The following DCAF6 variants were observed in gnomAD, a reference collection of about 807,000 sequenced individuals.
The protein encoded by DCAF6 is DDB1- and CUL4-associated factor 6.
A neutral mutation model predicts 125.1 loss-of-function variants in DCAF6; 54 were observed. The ratio of observed to expected loss-of-function variants is 0.43; its 90% CI spans 0.35 to 0.54. DCAF6 has a LOEUF of 0.54. DCAF6 is among the 20% of genes least tolerant of loss of function. DCAF6 has a pLI of 0.01. For synonymous variants in DCAF6, 371 were observed against 390.4 expected (o/e 0.95, Z 0.58); for missense variants, 934 against 1,161.7 (o/e 0.80, Z 2.85).
chr1:168,023,336 C>A (rs1035711744), intron 12 of DCAF6: 18 of 476,972 alleles, frequency 3.8e-5, no homozygotes, highest in Non-Finnish European at 6.4e-5. Flanking sequence ...TTTTTAAATT[C>A]TAGGTATCTG....
chr1:168,068,562 T>C (rs1034199778), intron 21 of DCAF6, 99 bp downstream of exon 21: 1 of 567,178 alleles, frequency 1.8e-6, no homozygotes, highest in East Asian at 3.8e-5. Flanking sequence ...TTTTTTAATA[T>C]CACAAAATGA....
At chr1:167,881,588 T>TC in the DCAF6 span, among the ~76,000 whole-genome samples, 1 of 152,096 alleles carries the variant, frequency 6.6e-6, no homozygotes, top group African/African-American at 2.4e-5. Context: ...AGCTTTTGAT[T>TC]CCCCCTAGCA....
At chr1:167,928,447 G>A in the DCAF6 span, among the ~76,000 whole-genome samples, 1 of 151,584 alleles carries the variant, frequency 6.6e-6, no homozygotes, top group African/African-American at 2.4e-5. Flanking sequence ...TAAATAATAT[G>A]TCAAATAAAG....
At chr1:167,949,799 T>G (rs1673641317) in intron 1 of DCAF6, among the ~76,000 whole-genome samples, 1 of 152,226 alleles carries the variant, frequency 6.6e-6, no homozygotes, top group Non-Finnish European at 1.5e-5. Flanking sequence ...TAATTTTAAT[T>G]TGAGGAGGCT....
intron 11 of DCAF6, chr1:168,019,551 T>C (rs74120601): frequency 0.012 from 5,507 of 456,258 alleles, 255 homozygotes; most frequent in African/African-American, 0.1. Flanking sequence ...TCAGGTCCCC[T>C]GAAGTCATGG....
At chr1:167,877,842 T>C in the DCAF6 span, among the ~76,000 whole-genome samples, 1 of 152,116 alleles carries the variant, frequency 6.6e-6, no homozygotes, top group South Asian at 2.1e-4. Context: ...ATTAGGTGGG[T>C]GCTGATGAGG....
chr1:167,965,750 G>C (rs953229268), intron 2 of DCAF6, among the ~76,000 whole-genome samples: 1 of 151,904 alleles, frequency 6.6e-6, no homozygotes, highest in Non-Finnish European at 1.5e-5. Flanking sequence ...TCGGGAGGCT[G>C]AGGCCTCCCG....
At chr1:167,995,416 A>G (rs879856223) in intron 7 of DCAF6, among the ~76,000 whole-genome samples, 1 of 152,208 alleles carries the variant, frequency 6.6e-6, no homozygotes, top group African/African-American at 2.4e-5. Context: ...GTAGTGGCTT[A>G]CGCCTGTAAT....
At chr1:167,872,539 C>T in the DCAF6 span, among the ~76,000 whole-genome samples, 1 of 151,696 alleles carries the variant, frequency 6.6e-6, no homozygotes, top group African/African-American at 2.4e-5. Context: ...GCCTCAATAT[C>T]GGGGACTGTT....
chr1:167,890,029 A>G, the DCAF6 span, among the ~76,000 whole-genome samples: 9 of 152,192 alleles, frequency 5.9e-5, no homozygotes, highest in African/African-American at 2.2e-4. Context: ...CCTGTCTGAA[A>G]GGTCACATAT....
At chr1:168,039,901 T>C (rs1216760662) in intron 13 of DCAF6, among the ~76,000 whole-genome samples, 1 of 151,854 alleles carries the variant, frequency 6.6e-6, no homozygotes, top group Non-Finnish European at 1.5e-5. Flanking sequence ...AAAATACTAT[T>C]GGATATCTTC....
chr1:167,999,965 C>G (rs1682342125), intron 7 of DCAF6, among the ~76,000 whole-genome samples: 2 of 152,108 alleles, frequency 1.3e-5, no homozygotes, highest in South Asian at 4.1e-4. Context: ...TTTGGCCTGT[C>G]TTGGCTTTCA....
At chr1:167,938,303 A>T (rs976935816) in intron 1 of DCAF6, among the ~76,000 whole-genome samples, 1 of 152,108 alleles carries the variant, frequency 6.6e-6, no homozygotes, top group African/African-American at 2.4e-5. Flanking sequence ...ACCTGAGTGC[A>T]TGGTGTCATA....
At position 168,033,115 on chromosome 1, in the gene DCAF6, T is replaced by C. The variant is rs534732347; in HGVS notation, c.1610-5256T>C. ...TAGTGGAAATGTACAGATTAAATCA[T>C]TTCACAGCGTGTGCATTACAAAAAA... On this transcript the variant is annotated intron_variant, in intron 12 of 21. Transcript: ENST00000367840. Among the ~76,000 whole-genome samples, 176 of 152,286 alleles carry C rather than the reference T, an allele frequency of 1.2e-3. 2 individuals are homozygous for C. The highest frequency in any genetic ancestry group is 4.1e-3 in the African/African-American group (171 of 41,560).
At chr1:167,993,953 T>G (rs1029499988) in intron 7 of DCAF6, among the ~76,000 whole-genome samples, 37 of 152,058 alleles carry the variant, frequency 2.4e-4, no homozygotes, top group African/African-American at 8.7e-4. Context: ...CTAATTATAA[T>G]TAGCAATTAG....
chr1:167,891,110 T>C, the DCAF6 span, among the ~76,000 whole-genome samples: 1 of 152,070 alleles, frequency 6.6e-6, no homozygotes, highest in Admixed American at 6.5e-5. Flanking sequence ...TACAGGTGTG[T>C]GCCACCGCGC....
the DCAF6 span, chr1:167,894,031 G>A: frequency 1.2e-6 from 1 of 853,804 alleles, no homozygotes; most frequent in Non-Finnish European, 2.0e-6. Flanking sequence ...CTATTCTCTT[G>A]GGCAGTGGGC....
At position 167,936,779 on chromosome 1, in the gene DCAF6, A is replaced by T. The variant is rs1405479866; in HGVS notation, c.-133A>T. 2 of 771,632 alleles carry T rather than the reference A, an allele frequency of 2.6e-6. No homozygotes were observed. Among genetic ancestry groups the T allele is most frequent in the Non-Finnish European group, 4.2e-6 (2 of 475,512 alleles). The allele number at this position is 771,632 out of a possible 1,614,324, so 47.8% of individuals were successfully genotyped here. On this transcript the variant is annotated 5_prime_UTR_variant, in exon 1 of 22. Transcript: ENST00000367840. ...CCCAGGCGCCGCTGCTGCCACCGCC[A>T]TCTAACGCTGCGCCCTGGAGGCCCG... is the stretch of plus-strand genomic sequence containing the variant.
intron 17 of DCAF6, chr1:168,056,178 A>T: frequency 6.2e-7 from 1 of 1,607,512 alleles, no homozygotes; most frequent in Non-Finnish European, 8.5e-7. Context: ...ACAATAAACA[A>T]CATCTCCCAA....
Sources: gnomAD v4.1 joint callset for allele counts (sites outside exome capture counted in the v4.1 genomes callset) on GRCh38, gnomAD v4.1.1 for gene constraint, MANE v1.5 for transcripts, NCBI Gene and HGNC (gene_info 2026-07-23, HGNC 2026-07-21) for gene names.